Variants in SORCS2 observed in about 807,000 individuals in gnomAD.
SORCS2 encodes VPS10 domain-containing receptor SorCS2.
Under a neutral mutation model 141.6 loss-of-function variants are expected in SORCS2, and 100 were observed. That is an observed-to-expected ratio of 0.71 (90% confidence interval 0.60 to 0.83). The LOEUF (loss-of-function observed/expected upper bound fraction) is 0.83, where lower values mean the gene tolerates loss of function less well. Ranked by LOEUF, SORCS2 falls within the 40% of genes least tolerant of loss-of-function variation. The probability of loss-of-function intolerance (pLI) is 0.00; values close to 1 mark genes in which losing one functional copy is unlikely to be tolerated. For missense variants in SORCS2, 1,646 were observed against 1,560.2 expected (o/e 1.05, Z -0.93); for synonymous variants, 789 against 676.9 (o/e 1.17, Z -2.57).
intron 3 of SORCS2, among the ~76,000 whole-genome samples, chr4:7,615,543 C>T (rs916095530): frequency 1.3e-5 from 2 of 152,140 alleles, no homozygotes; most frequent in African/African-American, 4.8e-5. Flanking sequence ...TACATACCTG[C>T]CCTCTCCCCA....
chr4:7,451,294 C>CA (rs1728449229), intron 2 of SORCS2, among the ~76,000 whole-genome samples: 1 of 152,226 alleles, frequency 6.6e-6, no homozygotes, highest in African/African-American at 2.4e-5. Flanking sequence ...GCAGCAGCAG[C>CA]GGCAGTGGGG....
chr4:7,346,251 A>G, intron 1 of SORCS2, among the ~76,000 whole-genome samples: 1 of 152,122 alleles, frequency 6.6e-6, no homozygotes, highest in East Asian at 1.9e-4. Flanking sequence ...CTTCAGTTTT[A>G]TTCAGTTTAT....
At chr4:7,428,746 G>A (rs1272792746) in intron 2 of SORCS2, among the ~76,000 whole-genome samples, 1 of 152,164 alleles carries the variant, frequency 6.6e-6, no homozygotes, top group African/African-American at 2.4e-5. Flanking sequence ...CCAGGGTGGG[G>A]TCCACCCGGC....
chr4:7,493,918 C>T (rs895980165), intron 2 of SORCS2, among the ~76,000 whole-genome samples: 2 of 152,170 alleles, frequency 1.3e-5, no homozygotes, highest in African/African-American at 4.8e-5. Flanking sequence ...AGTGTGTTAA[C>T]ACTGGGACAC....
chr4:7,581,611 A>G (rs1302528325), intron 3 of SORCS2, among the ~76,000 whole-genome samples: 1 of 152,210 alleles, frequency 6.6e-6, no homozygotes. Flanking sequence ...TTTGAGGCCC[A>G]GCAAACTCCA....
intron 1 of SORCS2, among the ~76,000 whole-genome samples, chr4:7,228,204 A>C (rs1379619112): frequency 6.6e-6 from 1 of 152,138 alleles, no homozygotes; most frequent in Non-Finnish European, 1.5e-5. Context: ...GCATCCTCGT[A>C]TGTGCCTGTG....
chr4:7,506,651 G>C (rs575294736), intron 2 of SORCS2, among the ~76,000 whole-genome samples: 4 of 152,318 alleles, frequency 2.6e-5, no homozygotes, highest in African/African-American at 9.6e-5. Context: ...CTAAAGGGCA[G>C]GTCCTTGTCA....
chr4:7,441,752 A>G (rs1426883188), intron 2 of SORCS2, among the ~76,000 whole-genome samples: 1 of 29,602 alleles, frequency 3.4e-5, no homozygotes, highest in Non-Finnish European at 6.0e-5. Flanking sequence ...CCCAGCCCAG[A>G]TCACCCTCCA....
In SORCS2 at chr4:7,342,893, A is replaced by T. The variant is rs78897591; in HGVS notation, c.481-53395A>T. Among the ~76,000 whole-genome samples the T allele has an allele frequency of 1.4e-3, 212 of 152,346 alleles. 3 individuals are homozygous for T. In the East Asian group the frequency reaches 0.037, roughly 27 times the overall value. On this transcript the variant is annotated intron_variant, in intron 1 of 26. Coordinates refer to ENST00000507866, the MANE Select transcript of SORCS2 (RefSeq NM_020777.3). Reference sequence around the variant, plus strand: ...GTTGCCAAGGTGGAAGGAAGCAGTCATTACCTTGAAGGTGGTGATGCCTGC... The same window carrying T: ...GTTGCCAAGGTGGAAGGAAGCAGTCTTTACCTTGAAGGTGGTGATGCCTGC...
At chr4:7,350,898 G>C (rs1200300290) in intron 1 of SORCS2, among the ~76,000 whole-genome samples, 1 of 152,122 alleles carries the variant, frequency 6.6e-6, no homozygotes, top group African/African-American at 2.4e-5. Context: ...TTGGGACAGG[G>C]GCCCACCCAA....
chr4:7,653,482 A>G (rs1052544442), intron 4 of SORCS2, among the ~76,000 whole-genome samples: 1 of 151,974 alleles, frequency 6.6e-6, no homozygotes. Flanking sequence ...ACCTCATGTG[A>G]TCCGCCCGCC....
chr4:7,321,446 C>G (rs1167830108), intron 1 of SORCS2, among the ~76,000 whole-genome samples: 1 of 152,098 alleles, frequency 6.6e-6, no homozygotes, highest in Non-Finnish European at 1.5e-5. Context: ...AAACCAGTGT[C>G]CACAAATCAG....
intron 1 of SORCS2, among the ~76,000 whole-genome samples, chr4:7,252,319 A>G (rs2108806977): frequency 6.6e-6 from 1 of 152,214 alleles, no homozygotes; most frequent in African/African-American, 2.4e-5. Context: ...GAGGGAGGGC[A>G]TGCTGGGGCC....
intron 3 of SORCS2, among the ~76,000 whole-genome samples, chr4:7,539,585 C>G (rs1001760267): frequency 1.3e-5 from 2 of 152,142 alleles, no homozygotes; most frequent in Non-Finnish European, 2.9e-5. Flanking sequence ...TTTCTTCCTT[C>G]TCTTTGTCTC....
intron 2 of SORCS2, among the ~76,000 whole-genome samples, chr4:7,411,262 C>T (rs1273700273): frequency 6.6e-6 from 1 of 152,028 alleles, no homozygotes; most frequent in African/African-American, 2.4e-5. Flanking sequence ...CCTCTTCTCT[C>T]CATCTTGACT....
At position 7,232,662 on chromosome 4, in the gene SORCS2, G is replaced by C. The variant is rs893866527; in HGVS notation, c.480+39536G>C. Reference sequence around the variant, plus strand: ...AATGTGGGGGCTCCTGCCCGCGCCAGCTGTGCCATTTCTGTGAGGGATGCC... The same window carrying C: ...AATGTGGGGGCTCCTGCCCGCGCCACCTGTGCCATTTCTGTGAGGGATGCC... On this transcript the variant is annotated intron_variant, in intron 1 of 26. Coordinates refer to ENST00000507866, the MANE Select transcript of SORCS2 (RefSeq NM_020777.3). Among the ~76,000 whole-genome samples, 4 of 152,224 alleles carry C rather than the reference G, an allele frequency of 2.6e-5. No individual in the cohort carries two copies. The South Asian group carries it at 8.3e-4, about 32-fold the overall frequency.
intron 2 of SORCS2, among the ~76,000 whole-genome samples, chr4:7,454,804 G>A (rs1728761459): frequency 7.6e-6 from 1 of 131,412 alleles, no homozygotes; most frequent in African/African-American, 3.0e-5. Flanking sequence ...GTGCTGTGTT[G>A]GGGTCAGGCA....
intron 1 of SORCS2, among the ~76,000 whole-genome samples, chr4:7,285,589 C>T (rs539881078): frequency 2.4e-4 from 37 of 152,244 alleles, no homozygotes; most frequent in Non-Finnish European, 4.7e-4. Flanking sequence ...CGAGCCCCTC[C>T]TTCCCATGCT....
At chr4:7,618,729 C>A (rs780525951) in intron 3 of SORCS2, among the ~76,000 whole-genome samples, 1 of 152,148 alleles carries the variant, frequency 6.6e-6, no homozygotes, top group Non-Finnish European at 1.5e-5. Flanking sequence ...CAACCCCCAC[C>A]CCACCCTAGG....
Sources: gnomAD v4.1 joint callset for allele counts (sites outside exome capture counted in the v4.1 genomes callset) on GRCh38, gnomAD v4.1.1 for gene constraint, MANE v1.5 for transcripts, NCBI Gene and HGNC (gene_info 2026-07-23, HGNC 2026-07-21) for gene names.